Variants in ADGRL4 observed in about 807,000 individuals in gnomAD.
The protein encoded by ADGRL4 is adhesion G protein-coupled receptor L4.
A neutral mutation model predicts 74.8 loss-of-function variants in ADGRL4; 90 were observed. The ratio of observed to expected loss-of-function variants is 1.20; its 90% CI spans 1.02 to 1.43. The LOEUF (loss-of-function observed/expected upper bound fraction) is 1.43. ADGRL4 is among the 40% of genes most tolerant of loss of function. The pLI is 0.00. For synonymous variants in ADGRL4, 311 were observed against 279.2 expected (o/e 1.11, Z -1.14); for missense variants, 881 against 814.3 (o/e 1.08, Z -1.00).
chr1:78,935,171 T>C (rs577550247), intron 7 of ADGRL4, among the ~76,000 whole-genome samples: 103 of 152,250 alleles, frequency 6.8e-4, no homozygotes, highest in Non-Finnish European at 1.3e-3. Context: ...CCATCAATGA[T>C]AGACTGGATA....
chr1:78,981,701 C>T lies in ADGRL4; in HGVS notation c.172+23369G>A, dbSNP rs180774075. 1.3e-3 allele frequency among the ~76,000 whole-genome samples: 197 copies of T among 151,806 alleles called. 1 individual carries two copies. The highest frequency in any genetic ancestry group is 4.5e-3 in the African/African-American group (185 of 41,446). The stretch of plus-strand genomic sequence containing the variant: ...TGGTCTTACAGAAATAAATAAAGTT[C>T]TATTTTTATGTCTTGGTTTACCCCA... On this transcript the variant is annotated intron_variant, in intron 2 of 14. Transcript: ENST00000370742.
Position 79,006,679 on chromosome 1 carries a change from T to A in ADGRL4, c.-25A>T. 2 of 1,483,818 alleles carry A rather than the reference T, an allele frequency of 1.3e-6. No homozygotes were observed. The highest frequency in any genetic ancestry group is 1.8e-6 in the Non-Finnish European group (2 of 1,119,008). 91.9% of individuals were successfully genotyped at this position (1,483,818 alleles called of 1,614,324 possible). A position where few individuals can be genotyped will look rare whatever the true frequency, so the allele number is the denominator to read the frequency against. ...TTGGCGGTGGCCGCAGTGGTGGCGG[T>A]GGCGGAGAGCGCGGCGGAGTGAGTG... On this transcript the variant is annotated 5_prime_UTR_variant, in exon 1 of 15. Transcript: ENST00000370742.
intron 2 of ADGRL4, among the ~76,000 whole-genome samples, chr1:78,957,858 A>C (rs1013326809): frequency 6.6e-6 from 1 of 152,190 alleles, no homozygotes; most frequent in African/African-American, 2.4e-5. Context: ...AGAGAGGAGA[A>C]GTCAATGCCT....
intron 12 of ADGRL4, among the ~76,000 whole-genome samples, chr1:78,911,958 A>G (rs1470401074): frequency 6.6e-6 from 1 of 151,832 alleles, no homozygotes. Context: ...ATTACCATCG[A>G]TATTTTTAGT....
At position 78,891,617 on chromosome 1, in the gene ADGRL4, C is replaced by T. The variant is rs1648275522; in HGVS notation, c.1917G>A (p.Val639=). 1.9e-6 allele frequency: 3 copies of T among 1,613,432 alleles called. No individual in the cohort carries two copies. Among genetic ancestry groups the T allele is most frequent in the African/African-American group, 2.7e-5 (2 of 74,962 alleles). The change falls in exon 14 of 15, where the codon GTG becomes GTA. Residue 639 remains valine (V), a synonymous_variant. Coordinates refer to ENST00000370742, the MANE Select transcript of ADGRL4 (RefSeq NM_022159.4). ...GGTAAGCTGTAACCACTGATGCGTGCACAACATGGAGAACCCCAAAGATCC... is the reference window on the plus strand; with the variant it reads ...GGTAAGCTGTAACCACTGATGCGTGTACAACATGGAGAACCCCAAAGATCC... ...TTWIFGVLHV[V]HASVVTAYLF... is the part of the protein sequence containing the mutation.
intron 3 of ADGRL4, among the ~76,000 whole-genome samples, chr1:78,940,748 G>C (rs1034364657): frequency 6.6e-6 from 1 of 151,958 alleles, no homozygotes; most frequent in African/African-American, 2.4e-5. Flanking sequence ...GTAGAAAAAG[G>C]GTGTGTAACC....
At chr1:78,892,612 A>G (rs1271037616) in intron 13 of ADGRL4, among the ~76,000 whole-genome samples, 1 of 152,124 alleles carries the variant, frequency 6.6e-6, no homozygotes, top group African/African-American at 2.4e-5. Flanking sequence ...TATTGAAACT[A>G]CAGGAGTGTT....
chr1:78,952,287 A>G (rs4459063), intron 2 of ADGRL4, among the ~76,000 whole-genome samples: 148,341 of 149,362 alleles, frequency 0.99, 73,677 homozygotes, highest in Middle Eastern at 1. Flanking sequence ...GATTCCTTGT[A>G]AAACAGGCCC....
At position 78,890,444 on chromosome 1, in the gene ADGRL4, T is replaced by A. The variant is rs1648244894; in HGVS notation, c.*710A>T. ...AAATAGTATATATCTCAGTCTAACC[T>A]TAGAAACAGATTTTTTTCACTTTTT... On this transcript the variant is annotated 3_prime_UTR_variant, in exon 15 of 15. Coordinates refer to ENST00000370742, the MANE Select transcript of ADGRL4 (RefSeq NM_022159.4). 1 of 151,792 alleles carries A rather than the reference T, an allele frequency of 6.6e-6. No homozygotes were observed. The highest frequency in any genetic ancestry group is 2.4e-5 in the African/African-American group (1 of 41,380). 9.4% of individuals were successfully genotyped at this position (151,792 alleles called of 1,614,324 possible).
chr1:78,949,953 CACGGCAAGA>C (rs1649687423), intron 2 of ADGRL4, among the ~76,000 whole-genome samples: 4 of 152,046 alleles, frequency 2.6e-5, no homozygotes, highest in Admixed American at 2.6e-4. Context: ...CTGAGTTAAG[CACGGCAAGA>C]ACACAGGCAT....
rs750102897 is a variant in ADGRL4, at chr1:78,946,333, C to G, written c.266G>C (p.Gly89Ala). ...EGSYYCMCVP[G>A]FRSSSNQDRF... ...GTCTTGGTTACTGCTGGATCTGAAG[C>G]CAGGTACACACATACAATAATAACT... Residue 89 changes from glycine to alanine, a missense_variant, in exon 3 of 15, where the codon GGC becomes GCC. Gly to Ala is a moderately conservative substitution (Grantham distance 60). Transcript: ENST00000370742. The G allele has an allele frequency of 1.7e-5, 27 of 1,613,106 alleles. No individual in the cohort carries two copies. In the South Asian group the frequency reaches 2.5e-4, roughly 15 times the overall value.
intron 2 of ADGRL4, among the ~76,000 whole-genome samples, chr1:78,962,946 T>C (rs1162656313): frequency 6.6e-6 from 1 of 152,220 alleles, no homozygotes; most frequent in Non-Finnish European, 1.5e-5. Context: ...GAAAACTTAC[T>C]GTGCAAAGCT....
intron 1 of ADGRL4, among the ~76,000 whole-genome samples, chr1:79,006,107 G>A (rs1650956973): frequency 6.6e-6 from 1 of 152,178 alleles, no homozygotes; most frequent in South Asian, 2.1e-4. Flanking sequence ...TGAAGCATGA[G>A]GTCATTGTTC....
At chr1:78,920,618 A>AT (rs1020885700) in intron 9 of ADGRL4, among the ~76,000 whole-genome samples, 2 of 151,628 alleles carry the variant, frequency 1.3e-5, no homozygotes, top group Admixed American at 6.6e-5. Flanking sequence ...GTAATTGGTG[A>AT]TTTTTTTTCT....
chr1:78,967,660 GT>G (rs1322345983), intron 2 of ADGRL4, among the ~76,000 whole-genome samples: 2 of 152,132 alleles, frequency 1.3e-5, no homozygotes, highest in African/African-American at 4.8e-5. Flanking sequence ...GGTTCTCTGT[GT>G]GAACATACTG....
chr1:79,001,281 G>A (rs867380591), intron 2 of ADGRL4, among the ~76,000 whole-genome samples: 11 of 151,390 alleles, frequency 7.3e-5, no homozygotes, highest in South Asian at 2.1e-4. Context: ...ATGCTGGTCC[G>A]GGTACTACTC....
At chr1:78,979,972 A>G (rs940204581) in intron 2 of ADGRL4, among the ~76,000 whole-genome samples, 1 of 151,986 alleles carries the variant, frequency 6.6e-6, no homozygotes, top group African/African-American at 2.4e-5. Context: ...CCAAAATCTC[A>G]GAAATCACTG....
At chr1:78,892,137 T>C (rs1648290961) in intron 13 of ADGRL4, among the ~76,000 whole-genome samples, 2 of 152,268 alleles carry the variant, frequency 1.3e-5, no homozygotes, top group Middle Eastern at 3.4e-3. Flanking sequence ...ACATATCTAC[T>C]ACATCAAAGG....
intron 2 of ADGRL4, among the ~76,000 whole-genome samples, chr1:78,983,095 G>C (rs1570270860): frequency 6.6e-6 from 1 of 151,822 alleles, no homozygotes; most frequent in South Asian, 2.1e-4. Context: ...GTGACCCTGA[G>C]GTGGTGGTGA....
Sources: allele counts gnomAD v4.1 joint callset (sites outside exome capture counted in the v4.1 genomes callset), GRCh38; gene constraint gnomAD v4.1.1; transcripts MANE v1.5; gene names NCBI Gene and HGNC (gene_info 2026-07-23, HGNC 2026-07-21).